SLC12A8: variants seen among roughly 807,000 people sequenced by gnomAD.
The protein encoded by SLC12A8 is solute carrier family 12 member 8, also known as cation-chloride cotransporter 9.
In SLC12A8, 69 loss-of-function variants were observed where a neutral mutation model predicts 75.6. The ratio of observed to expected loss-of-function variants is 0.91; its 90% CI spans 0.75 to 1.11. SLC12A8 has a LOEUF of 1.11. SLC12A8 is among the 50% of genes most tolerant of loss of function. SLC12A8 has a pLI of 0.00. For synonymous variants in SLC12A8, 365 were observed against 372.8 expected (o/e 0.98, Z 0.24); for missense variants, 877 against 896.7 (o/e 0.98, Z 0.28).
At chr3:125,205,150 TG>T (rs1935202090) in intron 2 of SLC12A8, among the ~76,000 whole-genome samples, 1 of 152,158 alleles carries the variant, frequency 6.6e-6, no homozygotes, top group Admixed American at 6.5e-5. Context: ...AGTCCTAAGC[TG>T]TCCACCGTGC....
chr3:125,129,339 G>A (rs1277311983), intron 6 of SLC12A8, among the ~76,000 whole-genome samples: 1 of 152,198 alleles, frequency 6.6e-6, no homozygotes, highest in African/African-American at 2.4e-5. Flanking sequence ...AAGTTTGGTA[G>A]TGGAGCTTGG....
chr3:125,199,201 C>T (rs956526757), intron 2 of SLC12A8, among the ~76,000 whole-genome samples: 1 of 152,136 alleles, frequency 6.6e-6, no homozygotes, highest in African/African-American at 2.4e-5. Flanking sequence ...GACATGATGT[C>T]TGCAAATTGT....
intron 6 of SLC12A8, among the ~76,000 whole-genome samples, chr3:125,133,143 G>C (rs1933400346): frequency 6.6e-6 from 1 of 152,108 alleles, no homozygotes. Flanking sequence ...GCTTTGAAGA[G>C]GAGAGGGAAA....
At chr3:125,134,089 G>A (rs1018435249) in intron 6 of SLC12A8, among the ~76,000 whole-genome samples, 2 of 151,760 alleles carry the variant, frequency 1.3e-5, no homozygotes, top group African/African-American at 4.8e-5. Context: ...CTATATTGTT[G>A]TGTGTATCGA....
intron 5 of SLC12A8, among the ~76,000 whole-genome samples, chr3:125,145,893 T>G (rs1243984822): frequency 3.3e-5 from 5 of 152,262 alleles, no homozygotes; most frequent in Non-Finnish European, 7.3e-5. Flanking sequence ...AGTGGCACGA[T>G]CACGGCTCAC....
chr3:125,144,902 C>T (rs1461196390), intron 5 of SLC12A8, among the ~76,000 whole-genome samples: 1 of 152,146 alleles, frequency 6.6e-6, no homozygotes, highest in Non-Finnish European at 1.5e-5. Flanking sequence ...GCAGAGCCCC[C>T]CTCCTGCCAA....
chr3:125,110,724 T>C (rs116146384), intron 8 of SLC12A8: 3,222 of 163,646 alleles, frequency 0.02, 122 homozygotes, highest in African/African-American at 0.071. Context: ...ACAATGCTCA[T>C]TGGCCTCTTG....
At chr3:125,101,749 G>T (rs1181684480) in intron 10 of SLC12A8, among the ~76,000 whole-genome samples, 3 of 152,176 alleles carry the variant, frequency 2.0e-5, no homozygotes, top group African/African-American at 7.2e-5. Flanking sequence ...ATTCCATTGT[G>T]ATTTGATTAT....
chr3:125,122,506 G>C (rs2037236), intron 6 of SLC12A8, among the ~76,000 whole-genome samples: 19,210 of 152,168 alleles, frequency 0.13, 1,542 homozygotes, highest in Admixed American at 0.17. Flanking sequence ...GTAGATGAAA[G>C]GTTCCCATGA....
At chr3:125,202,098 C>T (rs945686227) in intron 2 of SLC12A8, among the ~76,000 whole-genome samples, 7 of 152,058 alleles carry the variant, frequency 4.6e-5, no homozygotes, top group African/African-American at 1.7e-4. Flanking sequence ...TTTGTAGAGA[C>T]GGTGTTTCAC....
intron 5 of SLC12A8, among the ~76,000 whole-genome samples, chr3:125,136,459 C>G (rs576880859): frequency 6.6e-6 from 1 of 152,194 alleles, no homozygotes. Context: ...TATTCCTCCC[C>G]CCTCACTGCT....
Position 125,130,602 on chromosome 3 carries a change from AAAAG to A in SLC12A8, c.736+5063_736+5066del, listed in dbSNP as rs758406765. ...GCGAGACCCTGTCTTAAAAAAAAGA[AAAAG>A]AAAAAGAAAAAGAAAAAGAAATACG... is the stretch of plus-strand genomic sequence containing the variant. On this transcript the variant is annotated intron_variant, in intron 6 of 13. Transcript: ENST00000469902. Among the ~76,000 whole-genome samples, 666 of 150,846 alleles carry A rather than the reference AAAAG, an allele frequency of 4.4e-3. 23 individuals are homozygous for A. Among genetic ancestry groups the A allele is most frequent in the Middle Eastern group, 0.028 (8 of 288 alleles).
Position 125,083,762 on chromosome 3 carries a change from T to C in SLC12A8, c.*128A>G, listed in dbSNP as rs532272389. ...GGGAAAAGAAAATGTAGATTTCCAT[T>C]GTCCAAAGTGACAGCGGGAGGATGG... On this transcript the variant is annotated 3_prime_UTR_variant, in exon 14 of 14. Coordinates refer to ENST00000469902, the MANE Select transcript of SLC12A8 (RefSeq NM_024628.6). 5 of 900,452 alleles carry C rather than the reference T, an allele frequency of 5.6e-6. No homozygotes were observed. In the African/African-American group the frequency reaches 6.9e-5, roughly 12 times the overall value. 55.8% of individuals were successfully genotyped at this position (900,452 alleles called of 1,614,324 possible).
intron 2 of SLC12A8, among the ~76,000 whole-genome samples, chr3:125,203,286 T>C (rs1324148915): frequency 6.7e-6 from 1 of 149,786 alleles, no homozygotes; most frequent in African/African-American, 2.4e-5. Flanking sequence ...GCCAAAGCAA[T>C]CCTGAGCAAA....
At chr3:125,189,474 G>A (rs1934865728) in intron 3 of SLC12A8, among the ~76,000 whole-genome samples, 1 of 152,182 alleles carries the variant, frequency 6.6e-6, no homozygotes. Context: ...CTCAGTGACT[G>A]CAGCACTCAT....
chr3:125,207,535 G>A (rs1222815076), intron 2 of SLC12A8, among the ~76,000 whole-genome samples: 1 of 152,198 alleles, frequency 6.6e-6, no homozygotes, highest in East Asian at 1.9e-4. Flanking sequence ...GGCAAGAACT[G>A]TCATTCAATA....
rs1196311513 is a variant in SLC12A8 at position 125,103,479 on chromosome 3, A to AG, written c.1705+4001_1705+4002insC. Among the ~76,000 whole-genome samples, 412 of 149,524 alleles carry AG rather than the reference A, an allele frequency of 2.8e-3. 3 individuals are homozygous for AG. Among genetic ancestry groups the AG allele is most frequent in the African/African-American group, 9.4e-3 (384 of 40,836 alleles). ...TCACTTAAAAAAAAAAAAAAAAAAA[A>AG]AGAGAGACAGAGGCTCACCCTGTCA... On this transcript the variant is annotated intron_variant, in intron 10 of 13. Coordinates refer to ENST00000469902, the MANE Select transcript of SLC12A8 (RefSeq NM_024628.6).
chr3:125,176,562 T>C (rs911989129), intron 5 of SLC12A8, among the ~76,000 whole-genome samples: 2 of 152,152 alleles, frequency 1.3e-5, no homozygotes, highest in African/African-American at 2.4e-5. Context: ...AGAAAATTTT[T>C]GCAACCTACT....
At chr3:125,106,058 T>C (rs11914961) in intron 10 of SLC12A8, among the ~76,000 whole-genome samples, 39,971 of 151,960 alleles carry the variant, frequency 0.26, 6,049 homozygotes, top group African/African-American at 0.41. Flanking sequence ...GAAGTAGCAA[T>C]GCAAATACAT....
Sources: gnomAD v4.1 joint callset for allele counts (sites outside exome capture counted in the v4.1 genomes callset) on GRCh38, gnomAD v4.1.1 for gene constraint, MANE v1.5 for transcripts, NCBI Gene and HGNC (gene_info 2026-07-23, HGNC 2026-07-21) for gene names.